Variants in BAIAP2 observed in about 807,000 individuals in gnomAD.
BAIAP2 encodes the protein BAR/IMD domain containing adaptor protein 2, also known as BAR/IMD domain-containing adapter protein 2.
Under a neutral mutation model 63.0 loss-of-function variants are expected in BAIAP2, and 18 were observed. The observed-to-expected ratio is 0.29, with a 90% CI of 0.20 to 0.42. BAIAP2 has a LOEUF of 0.42. BAIAP2 is among the 10% of genes least tolerant of loss of function. The pLI is 1.00. For missense variants in BAIAP2, 610 were observed against 734.3 expected, an observed-to-expected ratio of 0.83 and a Z score of 1.96; for synonymous variants, 386 against 307.6, an observed-to-expected ratio of 1.25 and a Z score of -2.67.
chr17:81,087,184 C>G (rs1437115869), intron 6 of BAIAP2, among the ~76,000 whole-genome samples: 3 of 152,182 alleles, frequency 2.0e-5, no homozygotes, highest in African/African-American at 7.2e-5. Flanking sequence ...GAAAGAAACA[C>G]AAAACAAGAT....
chr17:81,109,577 A>C, intron 13 of BAIAP2: 1 of 985,276 alleles, frequency 1.0e-6, no homozygotes. Context: ...TGCACAGAGA[A>C]AGGGGGCTCG....
intron 10 of BAIAP2, chr17:81,105,131 G>A (rs1452600758): frequency 1.2e-5 from 2 of 170,550 alleles, no homozygotes; most frequent in African/African-American, 4.8e-5. Flanking sequence ...TCTGCCCCAT[G>A]GCAGGGGTCT....
intron 3 of BAIAP2, among the ~76,000 whole-genome samples, chr17:81,069,568 T>C (rs2052183195): frequency 1.3e-5 from 2 of 152,222 alleles, no homozygotes; most frequent in Non-Finnish European, 2.9e-5. Flanking sequence ...CTGGGAGTTC[T>C]CGAGTCTGTT....
chr17:81,039,241 G>A lies in BAIAP2; in HGVS notation c.54+3933G>A, dbSNP rs115061045. On this transcript the variant is annotated intron_variant, in intron 1 of 13. Transcript: ENST00000428708. Reference sequence around the variant, plus strand: ...GGCCAGGGCACAAAGACCGGCTGCCGTGTCATGCTGCCCTCTGGGCTGCCC... The same window carrying A: ...GGCCAGGGCACAAAGACCGGCTGCCATGTCATGCTGCCCTCTGGGCTGCCC... Among the ~76,000 whole-genome samples, 371 of 152,380 alleles carry A rather than the reference G, an allele frequency of 2.4e-3. 2 individuals are homozygous for A. The highest frequency in any genetic ancestry group is 8.4e-3 in the African/African-American group (348 of 41,596).
chr17:81,048,758 T>C (rs1469705690), intron 1 of BAIAP2, among the ~76,000 whole-genome samples: 1 of 152,104 alleles, frequency 6.6e-6, no homozygotes, highest in African/African-American at 2.4e-5. Flanking sequence ...TAGGGACAGC[T>C]AGGGTCCCTG....
intron 6 of BAIAP2, among the ~76,000 whole-genome samples, chr17:81,091,283 C>T (rs910672327): frequency 1.4e-4 from 21 of 149,732 alleles, no homozygotes; most frequent in Admixed American, 4.7e-4. Context: ...AGGTTGTCAG[C>T]GAAGTCCTGC....
chr17:81,103,165 T>C (rs2058718415), intron 7 of BAIAP2, among the ~76,000 whole-genome samples: 1 of 152,146 alleles, frequency 6.6e-6, no homozygotes, highest in Non-Finnish European at 1.5e-5. Context: ...CCTGGCACTT[T>C]GGGGTTTGCC....
At chr17:81,073,865 T>G (rs1024058096) in intron 3 of BAIAP2, among the ~76,000 whole-genome samples, 2 of 152,256 alleles carry the variant, frequency 1.3e-5, no homozygotes, top group Non-Finnish European at 2.9e-5. Context: ...GTGAGAGTCC[T>G]CTGGGAGCTG....
At position 81,105,758 on chromosome 17, in the gene BAIAP2, C is replaced by T. The variant is rs1453653904; in HGVS notation, c.1269-320C>T. 3 of 280,468 alleles carry T rather than the reference C, an allele frequency of 1.1e-5. 1 individual carries two copies. Among genetic ancestry groups the T allele is most frequent in the South Asian group, 8.7e-5 (2 of 22,976 alleles). The allele number at this position is 280,468 out of a possible 1,614,324, so 17.4% of individuals were successfully genotyped here. A position where few individuals can be genotyped will look rare whatever the true frequency, so the allele number is the denominator to read the frequency against. ...CCAGTGGCCACTCCAATCTTGGTGC[C>T]ATCCGTGGCTTAGCGTGACACTGGG... On this transcript the variant is annotated intron_variant, in intron 10 of 13. Transcript: ENST00000428708.
chr17:81,051,351 C>T (rs1335689030), intron 1 of BAIAP2, among the ~76,000 whole-genome samples: 1 of 152,216 alleles, frequency 6.6e-6, no homozygotes, highest in African/African-American at 2.4e-5. Context: ...AAAATCTAGT[C>T]TCCTCTGAGC....
chr17:81,109,223 G>C, intron 13 of BAIAP2: 2 of 1,378,644 alleles, frequency 1.5e-6, no homozygotes, highest in Non-Finnish European at 1.9e-6. Context: ...CATCCTGTGT[G>C]TCCCAGCCTT....
At chr17:81,095,509 C>T (rs1166894633) in intron 6 of BAIAP2, among the ~76,000 whole-genome samples, 2 of 152,214 alleles carry the variant, frequency 1.3e-5, no homozygotes, top group African/African-American at 4.8e-5. Context: ...AGTCAGTGTC[C>T]TGGAACAGCA....
chr17:81,068,618 C>T (rs1345339482), intron 3 of BAIAP2, among the ~76,000 whole-genome samples: 5 of 152,206 alleles, frequency 3.3e-5, no homozygotes, highest in African/African-American at 7.2e-5. Context: ...CACTGGAGCC[C>T]GTCTCAGGTG....
intron 3 of BAIAP2, among the ~76,000 whole-genome samples, chr17:81,060,274 T>A (rs748361751): frequency 1.3e-5 from 2 of 152,114 alleles, no homozygotes; most frequent in Non-Finnish European, 2.9e-5. Flanking sequence ...CCCATCTAAC[T>A]CCAAAGCATT....
At chr17:81,071,061 C>T (rs1165635420) in intron 3 of BAIAP2, among the ~76,000 whole-genome samples, 2 of 151,888 alleles carry the variant, frequency 1.3e-5, no homozygotes, top group East Asian at 1.9e-4. Context: ...GGGGAAGCAG[C>T]GTCAGCTACC....
rs113766095 is a variant in BAIAP2, at chr17:81,051,275, C to T, written c.55-2393C>T. On this transcript the variant is annotated intron_variant, in intron 1 of 13. Transcript: ENST00000428708. Reference sequence around the variant, plus strand: ...GATCAGAGGCCTGCGTAGCACATGCCTCTCTTCCCCTCTGACATCCCAGAG... The same window carrying T: ...GATCAGAGGCCTGCGTAGCACATGCTTCTCTTCCCCTCTGACATCCCAGAG... Among the ~76,000 whole-genome samples, 130 of 152,314 alleles carry T rather than the reference C, an allele frequency of 8.5e-4. 2 individuals are homozygous for T. Among genetic ancestry groups the T allele is most frequent in the African/African-American group, 3.0e-3 (125 of 41,576 alleles).
rs1196240399 is a variant in BAIAP2 at position 81,084,821 on chromosome 17, C to T, written c.218-11C>T. On this transcript the variant is annotated splice_polypyrimidine_tract_variant and intron_variant, in intron 3 of 13. Transcript: ENST00000428708. Reference sequence around the variant, plus strand: ...ACTCCCTCCCCTTCCTTCTGCTGTTCTGCTTCCCAGGAGACGTTCTCTTCC... The same window carrying T: ...ACTCCCTCCCCTTCCTTCTGCTGTTTTGCTTCCCAGGAGACGTTCTCTTCC... The T allele has an allele frequency of 1.2e-6, 2 of 1,613,418 alleles. No homozygotes were observed. The highest frequency in any genetic ancestry group is 1.7e-6 in the Non-Finnish European group (2 of 1,179,932).
At chr17:81,061,618 C>T (rs1053867695) in intron 3 of BAIAP2, among the ~76,000 whole-genome samples, 10 of 152,170 alleles carry the variant, frequency 6.6e-5, no homozygotes, top group Non-Finnish European at 1.2e-4. Context: ...TGCATTTCGT[C>T]GCTTGCAGGG....
chr17:81,092,501 G>T (rs1226532603), intron 6 of BAIAP2, among the ~76,000 whole-genome samples: 3 of 152,354 alleles, frequency 2.0e-5, no homozygotes, highest in East Asian at 3.9e-4. Context: ...TGCCTGCCAG[G>T]GTGCCCTTGA....
Sources: gnomAD v4.1 joint callset for allele counts (sites outside exome capture counted in the v4.1 genomes callset) on GRCh38, gnomAD v4.1.1 for gene constraint, MANE v1.5 for transcripts, NCBI Gene and HGNC (gene_info 2026-07-23, HGNC 2026-07-21) for gene names.